DMD: variants seen among roughly 807,000 people sequenced by gnomAD.
The protein encoded by DMD is mutant dystrophin.
A neutral mutation model predicts 330.1 loss-of-function variants in DMD; 63 were observed. The observed-to-expected ratio is 0.19, with a 90% CI of 0.16 to 0.24. The LOEUF (loss-of-function observed/expected upper bound fraction) is 0.24, where lower values mean the gene tolerates loss of function less well. Ranked by LOEUF, DMD falls within the 10% of genes least tolerant of loss-of-function variation. The probability of loss-of-function intolerance (pLI) is 1.00; values close to 1 mark genes in which losing one functional copy is unlikely to be tolerated. For missense variants in DMD, 3,344 were observed against 2,684.1 expected, an observed-to-expected ratio of 1.25 and a Z score of -5.43; for synonymous variants, 1,223 against 959.8, an observed-to-expected ratio of 1.27 and a Z score of -5.07.
chrX:32,796,420 T>C (rs193089267), intron 7 of DMD, among the ~76,000 whole-genome samples: 3 of 111,428 alleles, frequency 2.7e-5, no homozygotes, highest in East Asian at 2.8e-4. Flanking sequence ...GTTGTTCTCA[T>C]GGAAATAGAG....
At chrX:31,749,327 T>C (rs2088210917) in intron 51 of DMD, among the ~76,000 whole-genome samples, 1 of 81,638 alleles carries the variant, frequency 1.2e-5, no homozygotes, top group East Asian at 4.2e-4. Flanking sequence ...CAGAGTGTGA[T>C]GTTCCCCTTC....
intron 2 of DMD, among the ~76,000 whole-genome samples, chrX:32,917,307 C>T (rs190622195): frequency 4.5e-4 from 50 of 110,905 alleles, no homozygotes; most frequent in Non-Finnish European, 2.3e-4. Flanking sequence ...TATAAATCAC[C>T]CAGTCTCAGG....
chrX:31,398,419 G>C (rs1160762990), intron 60 of DMD, among the ~76,000 whole-genome samples: 1 of 112,109 alleles, frequency 8.9e-6, no homozygotes, highest in African/African-American at 3.2e-5. Flanking sequence ...AGGTTGCAAG[G>C]GGGTAGGGTG....
intron 26 of DMD, among the ~76,000 whole-genome samples, chrX:32,452,271 C>A (rs1187469879): frequency 2.9e-5 from 2 of 70,073 alleles, no homozygotes; most frequent in East Asian, 5.5e-4. Context: ...ATGAGTGACA[C>A]ACAATGGAAA....
chrX:31,438,977 T>A (rs1024256833), intron 60 of DMD, among the ~76,000 whole-genome samples: 2 of 111,293 alleles, frequency 1.8e-5, no homozygotes, highest in African/African-American at 6.5e-5. Context: ...TTAGTTTTTT[T>A]AAAATGAAGC....
At chrX:33,309,874 T>C (rs1303100346) in intron 1 of DMD, among the ~76,000 whole-genome samples, 5 of 111,289 alleles carry the variant, frequency 4.5e-5, no homozygotes, top group Non-Finnish European at 9.5e-5. Context: ...TCAGCTTGTA[T>C]CCCTTACTCA....
At chrX:32,088,195 T>G (rs1378058742) in intron 44 of DMD, among the ~76,000 whole-genome samples, 1 of 111,975 alleles carries the variant, frequency 8.9e-6, no homozygotes, top group East Asian at 2.8e-4. Context: ...CAGCTAATAT[T>G]CCTAGGAGCT....
At chrX:32,037,485 T>C (rs2095958516) in intron 44 of DMD, among the ~76,000 whole-genome samples, 1 of 112,287 alleles carries the variant, frequency 8.9e-6, no homozygotes, top group East Asian at 2.8e-4. Flanking sequence ...TGATAGATTC[T>C]TAAAACTCTT....
chrX:31,401,824 A>C (rs1386755134), intron 60 of DMD, among the ~76,000 whole-genome samples: 2 of 111,216 alleles, frequency 1.8e-5, no homozygotes, highest in Admixed American at 1.9e-4. Flanking sequence ...ATTAAAAAAA[A>C]CCCAGGCCCC....
At chrX:32,878,256 T>C (rs912301772) in intron 2 of DMD, among the ~76,000 whole-genome samples, 3 of 110,605 alleles carry the variant, frequency 2.7e-5, no homozygotes, top group Non-Finnish European at 5.7e-5. Context: ...CGGGCGCCTG[T>C]AGTCCCAGCT....
At chrX:32,085,733 T>C (rs1455056950) in intron 44 of DMD, among the ~76,000 whole-genome samples, 2 of 105,624 alleles carry the variant, frequency 1.9e-5, no homozygotes, top group Non-Finnish European at 3.8e-5. Flanking sequence ...TACACTGATA[T>C]TGATGGCTTT....
intron 51 of DMD, among the ~76,000 whole-genome samples, chrX:31,744,135 T>C (rs1187704016): frequency 8.9e-6 from 1 of 111,961 alleles, no homozygotes; most frequent in Non-Finnish European, 1.9e-5. Context: ...CCCAAAGTGT[T>C]AGGATTACAG....
chrX:32,265,952 A>C (rs1479309094), intron 43 of DMD, among the ~76,000 whole-genome samples: 2 of 111,713 alleles, frequency 1.8e-5, no homozygotes, highest in Non-Finnish European at 3.8e-5. Flanking sequence ...AGAGTGAGTT[A>C]AGACTTTGAG....
intron 27 of DMD, among the ~76,000 whole-genome samples, chrX:32,445,930 G>A (rs1478937990): frequency 9.0e-6 from 1 of 111,102 alleles, no homozygotes; most frequent in Non-Finnish European, 1.9e-5. Flanking sequence ...TTTCTCTATT[G>A]AAGGATAAAT....
chrX:32,755,260 T>C (rs995518977), intron 7 of DMD, among the ~76,000 whole-genome samples: 1 of 110,612 alleles, frequency 9.0e-6, no homozygotes, highest in Non-Finnish European at 1.9e-5. Flanking sequence ...GTAAATTTAC[T>C]TACAGTATCA....
intron 41 of DMD, among the ~76,000 whole-genome samples, chrX:32,335,989 AACGTGTATATAT>A (rs2097711072): frequency 2.5e-4 from 8 of 31,470 alleles, no homozygotes; most frequent in Non-Finnish European, 5.7e-4. Context: ...TGTTATATAT[AACGTGTATATAT>A]AACGTTATAT....
chrX:32,195,878 C>G (rs1481891909), intron 44 of DMD, among the ~76,000 whole-genome samples: 1 of 111,712 alleles, frequency 9.0e-6, no homozygotes, highest in Admixed American at 9.5e-5. Context: ...GCCATACTTG[C>G]TGGAAATAGA....
At chrX:32,014,232 G>T (rs1158939116) in intron 44 of DMD, among the ~76,000 whole-genome samples, 2 of 111,981 alleles carry the variant, frequency 1.8e-5, no homozygotes, top group African/African-American at 6.5e-5. Flanking sequence ...TGCACTTTTA[G>T]TGTATGATGC....
At chrX:31,522,363 C>CTCTCTCTCTCTCTCTATA in intron 55 of DMD, among the ~76,000 whole-genome samples, 7 of 35,960 alleles carry the variant, frequency 1.9e-4, no homozygotes, top group Admixed American at 4.2e-4. Flanking sequence ...CTCTCTCTCT[C>CTCTCTCTCTCTCTCTATA]TATATATATA....
Sources: allele counts gnomAD v4.1 joint callset (sites outside exome capture counted in the v4.1 genomes callset), GRCh38; gene constraint gnomAD v4.1.1; transcripts MANE v1.5; gene names NCBI Gene and HGNC (gene_info 2026-07-23, HGNC 2026-07-21).